The following PTPRN2 variants were observed in gnomAD, a reference collection of about 807,000 sequenced individuals.
PTPRN2 encodes receptor-type tyrosine-protein phosphatase N2.
In PTPRN2, 74 loss-of-function variants were observed where a neutral mutation model predicts 118.8. That is an observed-to-expected ratio of 0.62 (90% CI 0.52 to 0.76). The LOEUF (loss-of-function observed/expected upper bound fraction) is 0.76. Among genes scored for constraint, PTPRN2 ranks in the 30% least tolerant of loss-of-function variants. The probability of loss-of-function intolerance (pLI) is 0.00; values close to 1 mark genes in which losing one functional copy is unlikely to be tolerated. For missense variants in PTPRN2, 1,481 were observed against 1,394.4 expected, an observed-to-expected ratio of 1.06 and a Z score of -0.99; for synonymous variants, 641 against 608.0, an observed-to-expected ratio of 1.05 and a Z score of -0.80.
chr7:158,468,528 T>G (rs1819548528), intron 2 of PTPRN2, among the ~76,000 whole-genome samples: 1 of 152,164 alleles, frequency 6.6e-6, no homozygotes, highest in Non-Finnish European at 1.5e-5. Context: ...GGCGCCAGTT[T>G]ATGTCTGGGC....
chr7:157,747,860 C>G (rs1193495349), intron 12 of PTPRN2, among the ~76,000 whole-genome samples: 1 of 143,334 alleles, frequency 7.0e-6, no homozygotes, highest in Admixed American at 7.1e-5. Context: ...ATTCTGAGGC[C>G]TGCGTCCCTG....
At chr7:157,745,763 C>T (rs1563063746) in intron 12 of PTPRN2, among the ~76,000 whole-genome samples, 8 of 152,116 alleles carry the variant, frequency 5.3e-5, no homozygotes, top group Admixed American at 4.6e-4. Context: ...CAAAGACCAC[C>T]CAACGATCTG....
At chr7:158,037,526 G>A (rs1407931225) in intron 11 of PTPRN2, among the ~76,000 whole-genome samples, 1 of 152,186 alleles carries the variant, frequency 6.6e-6, no homozygotes, top group Non-Finnish European at 1.5e-5. Flanking sequence ...TCCGAGTACT[G>A]TAGGCAACGC....
chr7:157,568,586 G>GT (rs1799601128), intron 21 of PTPRN2, among the ~76,000 whole-genome samples: 1 of 152,208 alleles, frequency 6.6e-6, no homozygotes, highest in African/African-American at 2.4e-5. Flanking sequence ...ACGCTGCAGC[G>GT]TATGCAGCAA....
At chr7:158,059,657 G>A (rs56204223) in intron 11 of PTPRN2, among the ~76,000 whole-genome samples, 36 of 56,328 alleles carry the variant, frequency 6.4e-4, no homozygotes, top group Admixed American at 1.9e-3. Flanking sequence ...CCACGGTGAC[G>A]CATCACTGCA....
At chr7:158,408,831 C>A (rs916191183) in intron 2 of PTPRN2, among the ~76,000 whole-genome samples, 3 of 152,074 alleles carry the variant, frequency 2.0e-5, no homozygotes, top group Non-Finnish European at 4.4e-5. Context: ...AACGTCAACA[C>A]TGGACTCACC....
intron 21 of PTPRN2, among the ~76,000 whole-genome samples, chr7:157,565,462 G>A (rs1284955748): frequency 3.9e-5 from 6 of 152,218 alleles, no homozygotes; most frequent in African/African-American, 1.2e-4. Flanking sequence ...TGTCTGCTTG[G>A]CATGGCCTCC....
chr7:158,180,724 C>T (rs1278040225), intron 5 of PTPRN2, among the ~76,000 whole-genome samples: 1 of 152,100 alleles, frequency 6.6e-6, no homozygotes, highest in Admixed American at 6.6e-5. Flanking sequence ...GGATTGAGTT[C>T]TTGATTTGAT....
At chr7:158,124,445 A>C (rs1260915739) in intron 9 of PTPRN2, among the ~76,000 whole-genome samples, 1 of 152,274 alleles carries the variant, frequency 6.6e-6, no homozygotes, top group Non-Finnish European at 1.5e-5. Context: ...GAAATTCTCC[A>C]ATGGGCAGAA....
At chr7:157,572,801 T>A (rs1799824769) in intron 19 of PTPRN2, among the ~76,000 whole-genome samples, 3 of 152,256 alleles carry the variant, frequency 2.0e-5, no homozygotes. Flanking sequence ...CCCTCTGGTC[T>A]GTGAAACACG....
chr7:158,070,501 C>T (rs1323586049), intron 11 of PTPRN2, among the ~76,000 whole-genome samples: 57 of 92,024 alleles, frequency 6.2e-4, no homozygotes, highest in Non-Finnish European at 9.1e-4. Context: ...TGGAGGTGCC[C>T]GTGGTGGTGG....
chr7:158,166,007 C>G (rs1822935837), intron 6 of PTPRN2, among the ~76,000 whole-genome samples: 1 of 152,068 alleles, frequency 6.6e-6, no homozygotes, highest in South Asian at 2.1e-4. Flanking sequence ...CGGTCACATG[C>G]TGGGCCACAG....
intron 2 of PTPRN2, among the ~76,000 whole-genome samples, chr7:158,403,152 G>T (rs900572667): frequency 6.6e-6 from 1 of 152,170 alleles, no homozygotes; most frequent in Non-Finnish European, 1.5e-5. Context: ...CTGTGCACTT[G>T]GGAGGTTGAG....
intron 3 of PTPRN2, among the ~76,000 whole-genome samples, chr7:158,255,017 C>G (rs1244911067): frequency 6.6e-6 from 1 of 152,176 alleles, no homozygotes; most frequent in East Asian, 1.9e-4. Flanking sequence ...GCTGTCTTTC[C>G]TAGGACATCC....
intron 11 of PTPRN2, among the ~76,000 whole-genome samples, chr7:158,079,200 A>G (rs2128928988): frequency 6.6e-6 from 1 of 152,314 alleles, no homozygotes; most frequent in East Asian, 1.9e-4. Flanking sequence ...TATTCAAAAT[A>G]ATTCTTTAAA....
In PTPRN2 at chr7:157,601,719, G is replaced by A. The variant is rs200357405; in HGVS notation, c.2418+2283C>T. ...GGGCTTGGCTGTGGCCTGGAATAGC[G>A]CAGACATCTGCAAGTTGGAACCCAT... On this transcript the variant is annotated intron_variant, in intron 16 of 22. Coordinates refer to ENST00000389418, the MANE Select transcript of PTPRN2 (RefSeq NM_002847.5). Among the ~76,000 whole-genome samples the A allele has an allele frequency of 2.8e-4, 42 of 152,344 alleles. 1 individual carries two copies. In the East Asian group the frequency reaches 6.8e-3, roughly 24 times the overall value.
intron 3 of PTPRN2, among the ~76,000 whole-genome samples, chr7:158,310,576 G>C (rs1801621210): frequency 6.6e-6 from 1 of 152,260 alleles, no homozygotes; most frequent in Non-Finnish European, 1.5e-5. Context: ...ATGGGGGCTG[G>C]GTGGAAGGAG....
Position 158,499,766 on chromosome 7 carries a change from A to C in PTPRN2, c.113-9981T>G, listed in dbSNP as rs1586811975. 4.0e-5 allele frequency among the ~76,000 whole-genome samples: 6 copies of C among 151,732 alleles called. No individual in the cohort carries two copies. In the South Asian group the frequency reaches 1.2e-3, roughly 32 times the overall value. ...AGCCTGGGTGACGGAGCAAGACTCCATCTCAAATATATGTGTGTATGTGTG... is the reference window on the plus strand; with the variant it reads ...AGCCTGGGTGACGGAGCAAGACTCCCTCTCAAATATATGTGTGTATGTGTG... On this transcript the variant is annotated intron_variant, in intron 1 of 22. Coordinates refer to ENST00000389418, the MANE Select transcript of PTPRN2 (RefSeq NM_002847.5).
At chr7:158,126,738 C>T (rs561318639) in intron 9 of PTPRN2, among the ~76,000 whole-genome samples, 3 of 152,192 alleles carry the variant, frequency 2.0e-5, no homozygotes, top group Admixed American at 1.3e-4. Context: ...CCTGAGCACT[C>T]GGTGGGTTTC....
Sources: allele counts gnomAD v4.1 joint callset (sites outside exome capture counted in the v4.1 genomes callset), GRCh38; gene constraint gnomAD v4.1.1; transcripts MANE v1.5; gene names NCBI Gene and HGNC (gene_info 2026-07-23, HGNC 2026-07-21).